Variants in SPATA6L observed in about 807,000 individuals in gnomAD.
SPATA6L encodes the protein spermatogenesis associated 6 like.
Under a neutral mutation model 49.2 loss-of-function variants are expected in SPATA6L, and 68 were observed. That is an observed-to-expected ratio of 1.38 (90% CI 1.14 to 1.69). The LOEUF (loss-of-function observed/expected upper bound fraction) is 1.69. Among genes scored for constraint, SPATA6L ranks in the 40% most tolerant of loss-of-function variants. SPATA6L has a pLI of 0.00. For missense variants in SPATA6L, 668 were observed against 464.3 expected, an observed-to-expected ratio of 1.44 and a Z score of -4.03; for synonymous variants, 198 against 165.7, an observed-to-expected ratio of 1.19 and a Z score of -1.50.
rs769151428 is a variant in SPATA6L, at chr9:4,618,071, C to G, written c.847G>C (p.Asp283His). Residue 283 changes from aspartate to histidine, a missense_variant, in exon 9 of 12, where the codon GAC becomes CAC. Coordinates refer to ENST00000682582, the MANE Select transcript of SPATA6L (RefSeq NM_001353486.2). The part of the protein sequence containing the change: ...EPDERIVLRS[D>H]SSSCLDSSQF... ...CTTGAATCTAAACATGATGATGAGT[C>G]ACTCCTTAAAACAATCCGTTCATCT... The G allele has an allele frequency of 1.3e-5, 21 of 1,613,618 alleles. No homozygotes were observed. Among genetic ancestry groups the G allele is most frequent in the Non-Finnish European group, 1.7e-5 (20 of 1,179,852 alleles).
intron 3 of SPATA6L, among the ~76,000 whole-genome samples, chr9:4,647,738 ATAACT>A (rs1835733848): frequency 6.6e-6 from 1 of 152,190 alleles, no homozygotes; most frequent in Non-Finnish European, 1.5e-5. Context: ...GATCTTTAAG[ATAACT>A]TAAATGATAT....
chr9:4,643,268 A>T (rs1208722471), intron 3 of SPATA6L, among the ~76,000 whole-genome samples: 1 of 152,206 alleles, frequency 6.6e-6, no homozygotes, highest in Admixed American at 6.5e-5. Context: ...GGCCTCCCCA[A>T]GTGCTGGGAT....
chr9:4,626,544 G>C, intron 5 of SPATA6L: 1 of 1,303,920 alleles, frequency 7.7e-7, no homozygotes, highest in Non-Finnish European at 1.0e-6. Flanking sequence ...TCTTCCCTTT[G>C]TTTCCCCAGC....
At chr9:4,666,073 G>A (rs573971549) in intron 1 of SPATA6L, 139 bp downstream of exon 1, 3 of 740,128 alleles carry the variant, frequency 4.1e-6, no homozygotes, top group South Asian at 1.6e-5. Flanking sequence ...TGGAGAAAAA[G>A]ACAAAGGTGC....
In SPATA6L at chr9:4,625,378, T is replaced by A. The variant is rs1283568401; in HGVS notation, c.618A>T (p.Gly206=). 6.2e-7 allele frequency: 1 copy of A among 1,613,992 alleles called. No homozygotes were observed. The highest frequency in any genetic ancestry group is 8.5e-7 in the Non-Finnish European group (1 of 1,180,014). Residue 206 remains glycine, a synonymous_variant, in exon 6 of 12, where the codon GGA becomes GGT. Transcript: ENST00000682582. ...TTCCTCCAGAGATTTTGAAATTATT[T>A]CCAAGGTTCAACTGAGCTGGCTGGT... ...FQDQPAQLNL[G]NNFKISGGSK... is the part of the protein sequence containing the mutation.
intron 3 of SPATA6L, among the ~76,000 whole-genome samples, chr9:4,650,318 C>T (rs1003757383): frequency 6.6e-6 from 1 of 152,188 alleles, no homozygotes; most frequent in Non-Finnish European, 1.5e-5. Flanking sequence ...ATTCTTTCAA[C>T]TGAGTAACAT....
At chr9:4,642,442 T>C (rs894523405) in intron 3 of SPATA6L, among the ~76,000 whole-genome samples, 24 of 152,090 alleles carry the variant, frequency 1.6e-4, no homozygotes, top group African/African-American at 5.6e-4. Flanking sequence ...ATGAAGGTAA[T>C]GACATCTCCA....
In SPATA6L at chr9:4,662,050, A is replaced by C. The variant is rs1839914745; in HGVS notation, c.40-14T>G. 2 of 1,612,758 alleles carry C rather than the reference A, an allele frequency of 1.2e-6. No homozygotes were observed. The highest frequency in any genetic ancestry group is 8.5e-7 in the Non-Finnish European group (1 of 1,179,432). ...TGGGCAAGAAATCTTAAAAAGAAAG[A>C]AAACAACAAACAAGGGAGAGAAAAC... On this transcript the variant is annotated splice_polypyrimidine_tract_variant and intron_variant, in intron 1 of 11. Transcript: ENST00000682582. The surrounding 1 kb of genome is among the most constrained non-coding windows in gnomAD (Gnocchi z 4.9).
chr9:4,637,377 A>C (rs1200272495), intron 3 of SPATA6L, among the ~76,000 whole-genome samples: 1 of 152,144 alleles, frequency 6.6e-6, no homozygotes, highest in Non-Finnish European at 1.5e-5. Context: ...GACACTCCCC[A>C]TCACAATACC....
At position 4,618,073 on chromosome 9, in the gene SPATA6L, C is replaced by G; in HGVS notation, c.845G>C (p.Ser282Thr). The change falls in exon 9 of 12, where the codon AGT becomes ACT. Residue 282 changes from serine (S) to threonine (T), a missense_variant. Coordinates refer to ENST00000682582, the MANE Select transcript of SPATA6L (RefSeq NM_001353486.2). ...TGAATCTAAACATGATGATGAGTCA[C>G]TCCTTAAAACAATCCGTTCATCTGG... is the stretch of plus-strand genomic sequence containing the variant. ...KEPDERIVLRSDSSSCLDSSQ... is the reference protein window; with the variant it reads ...KEPDERIVLRTDSSSCLDSSQ... 1 of 1,613,116 alleles carries G rather than the reference C, an allele frequency of 6.2e-7. No homozygotes were observed. The highest frequency in any genetic ancestry group is 8.5e-7 in the Non-Finnish European group (1 of 1,179,448).
intron 4 of SPATA6L, 98 bp downstream of exon 4, chr9:4,635,177 A>G (rs1832535341): frequency 1.5e-6 from 2 of 1,311,968 alleles, no homozygotes. Context: ...CAGCAGGGGT[A>G]CTAACCAAGA....
At chr9:4,629,046 A>T in intron 5 of SPATA6L, 45 bp downstream of exon 5, 2 of 1,429,292 alleles carry the variant, frequency 1.4e-6, no homozygotes, top group Non-Finnish European at 1.9e-6. Context: ...AATTTGAAAA[A>T]AAAAAATCCG....
chr9:4,627,995 G>A, intron 5 of SPATA6L: 1 of 367,114 alleles, frequency 2.7e-6, no homozygotes, highest in Admixed American at 3.8e-5. Flanking sequence ...AAATAAGCCA[G>A]GCACAGAAAG....
intron 3 of SPATA6L, among the ~76,000 whole-genome samples, chr9:4,640,311 C>G (rs146379859): frequency 1.3e-5 from 2 of 152,168 alleles, no homozygotes; most frequent in African/African-American, 4.8e-5. Flanking sequence ...GATCACTAGA[C>G]TTCTTCATTC....
intron 6 of SPATA6L, 51 bp from the exon 7 acceptor site, chr9:4,622,561 C>A (rs780916533): frequency 1.6e-6 from 2 of 1,245,848 alleles, no homozygotes; most frequent in Middle Eastern, 1.9e-4. Context: ...GCTTCTAGTA[C>A]CCTCCCCTCG....
At chr9:4,626,091 T>C in intron 5 of SPATA6L, 1 of 170,848 alleles carries the variant, frequency 5.9e-6, no homozygotes. Flanking sequence ...CTGGTCTCTG[T>C]AGGCTCTGCC....
At chr9:4,624,137 A>C (rs1189364454) in intron 6 of SPATA6L, among the ~76,000 whole-genome samples, 2 of 152,254 alleles carry the variant, frequency 1.3e-5, no homozygotes, top group African/African-American at 2.4e-5. Flanking sequence ...TAATGATACT[A>C]TCAATAGTTA....
chr9:4,665,638 G>T (rs1840745579), intron 1 of SPATA6L, among the ~76,000 whole-genome samples: 1 of 152,140 alleles, frequency 6.6e-6, no homozygotes, highest in Non-Finnish European at 1.5e-5. Context: ...GAAATAAGAG[G>T]GAGTGACAGA....
intron 6 of SPATA6L, among the ~76,000 whole-genome samples, chr9:4,623,656 A>C (rs1829817213): frequency 6.6e-6 from 1 of 152,202 alleles, no homozygotes; most frequent in African/African-American, 2.4e-5. Flanking sequence ...ATCACTGATA[A>C]AAGACTTTGG....
Sources: allele counts gnomAD v4.1 joint callset (sites outside exome capture counted in the v4.1 genomes callset), GRCh38; gene constraint gnomAD v4.1.1; non-coding constraint Gnocchi (gnomAD v3.1); transcripts MANE v1.5; gene names NCBI Gene and HGNC (gene_info 2026-07-23, HGNC 2026-07-21).